AFF2: variants seen among roughly 807,000 people sequenced by gnomAD.
AFF2 encodes ALF transcription elongation factor 2.
AFF2 carries 14 observed loss-of-function variants against 76.9 expected under a neutral mutation model. The observed-to-expected ratio is 0.18, with a 90% CI of 0.12 to 0.28. The LOEUF (loss-of-function observed/expected upper bound fraction) is 0.28. AFF2 is among the 10% of genes least tolerant of loss of function. The pLI is 1.00. For synonymous variants in AFF2, 398 were observed against 366.7 expected, an observed-to-expected ratio of 1.09 and a Z score of -0.98; for missense variants, 868 against 1,001.1, an observed-to-expected ratio of 0.87 and a Z score of 1.79.
At position 148,598,047 on chromosome X, in the gene AFF2, A is replaced by G. The variant is rs368879194; in HGVS notation, c.48-53952A>G. Among the ~76,000 whole-genome samples, 17 of 112,274 alleles carry G rather than the reference A, an allele frequency of 1.5e-4. No homozygotes were observed. The East Asian group carries it at 4.5e-3, about 30-fold the overall frequency. On this transcript the variant is annotated intron_variant, in intron 1 of 20. Coordinates refer to ENST00000370460, the MANE Select transcript of AFF2 (RefSeq NM_002025.4). ...GATGTTTATACTTTGAAGAGTACGT[A>G]CATCTGGTAGTTTGGGTGTATGAAA... is the stretch of plus-strand genomic sequence containing the variant.
At chrX:148,635,125 C>A (rs1296526850) in intron 1 of AFF2, among the ~76,000 whole-genome samples, 2 of 111,403 alleles carry the variant, frequency 1.8e-5, no homozygotes, top group Non-Finnish European at 3.8e-5. Context: ...AGGGACTTTG[C>A]AGATGTGATT....
At chrX:148,854,712 A>G (rs1486124147) in intron 7 of AFF2, among the ~76,000 whole-genome samples, 1 of 111,302 alleles carries the variant, frequency 9.0e-6, no homozygotes, top group Non-Finnish European at 1.9e-5. Context: ...AACAAGCAAC[A>G]TAGGGTCTCT....
intron 3 of AFF2, among the ~76,000 whole-genome samples, chrX:148,759,755 C>T (rs1466406209): frequency 8.9e-6 from 1 of 111,786 alleles, no homozygotes; most frequent in Admixed American, 9.5e-5. Context: ...TCTGATTCTC[C>T]CTAGATCTAT....
At chrX:148,852,022 C>T (rs2070736494) in intron 7 of AFF2, among the ~76,000 whole-genome samples, 1 of 110,885 alleles carries the variant, frequency 9.0e-6, no homozygotes, top group African/African-American at 3.3e-5. Context: ...TAATAGCCTC[C>T]AGCTCCATCC....
At chrX:148,785,682 T>C (rs2069810087) in intron 3 of AFF2, among the ~76,000 whole-genome samples, 1 of 112,002 alleles carries the variant, frequency 8.9e-6, no homozygotes, top group African/African-American at 3.3e-5. Flanking sequence ...TCTGTAAGCC[T>C]AGCTCTGAGG....
intron 1 of AFF2, among the ~76,000 whole-genome samples, chrX:148,539,168 A>C (rs1329147482): frequency 8.9e-6 from 1 of 112,129 alleles, no homozygotes; most frequent in Middle Eastern, 4.2e-3. Flanking sequence ...GAGTTACAGG[A>C]AGACAAAGTA....
chrX:148,741,362 A>G (rs1292612926), intron 3 of AFF2, among the ~76,000 whole-genome samples: 2 of 109,917 alleles, frequency 1.8e-5, no homozygotes, highest in East Asian at 5.8e-4. Flanking sequence ...GGAGTTATGT[A>G]CCTAGGAGTA....
intron 16 of AFF2, among the ~76,000 whole-genome samples, chrX:148,974,044 G>A (rs991614708): frequency 2.7e-4 from 30 of 111,605 alleles, no homozygotes; most frequent in Admixed American, 6.7e-4. Context: ...ACTCAGAGTT[G>A]GTGTTTAAGG....
At chrX:148,525,919 G>A (rs2052652917) in intron 1 of AFF2, among the ~76,000 whole-genome samples, 1 of 111,524 alleles carries the variant, frequency 9.0e-6, no homozygotes, top group African/African-American at 3.3e-5. Flanking sequence ...CCTCCACAGG[G>A]TACCAGACTT....
chrX:148,807,301 AAGG>A (rs782290535), intron 3 of AFF2, among the ~76,000 whole-genome samples: 63 of 112,415 alleles, frequency 5.6e-4, no homozygotes, highest in Admixed American at 2.3e-3. Context: ...TAAGAAAAGT[AAGG>A]AGAACAACAG....
chrX:148,743,652 G>A lies in AFF2; in HGVS notation c.1042-66224G>A, dbSNP rs781897901. On this transcript the variant is annotated intron_variant, in intron 3 of 20. Coordinates refer to ENST00000370460, the MANE Select transcript of AFF2 (RefSeq NM_002025.4). ...TGCATTTTGCTGGAGGACCCTGAAT[G>A]CTTTATTTTCTCAACCATGTCTACT... 5.4e-5 allele frequency among the ~76,000 whole-genome samples: 6 copies of A among 111,216 alleles called. No homozygotes were observed. The South Asian group carries it at 2.3e-3, about 43-fold the overall frequency.
At chrX:148,556,115 G>A (rs1205365339) in intron 1 of AFF2, among the ~76,000 whole-genome samples, 6 of 112,095 alleles carry the variant, frequency 5.4e-5, no homozygotes, top group African/African-American at 1.6e-4. Flanking sequence ...TTTTAGCTCA[G>A]TTTCACATCT....
At chrX:148,518,274 T>C (rs1423988994) in intron 1 of AFF2, among the ~76,000 whole-genome samples, 1 of 111,793 alleles carries the variant, frequency 8.9e-6, no homozygotes, top group Non-Finnish European at 1.9e-5. Flanking sequence ...GCCAGCTGTT[T>C]TCTTCCAGAG....
chrX:148,591,492 T>A (rs1158086777), intron 1 of AFF2, among the ~76,000 whole-genome samples: 3 of 112,596 alleles, frequency 2.7e-5, no homozygotes, highest in Non-Finnish European at 3.7e-5. Context: ...CTGCTTTTGT[T>A]ACTAAGCATC....
At chrX:148,588,955 C>T (rs1403448623) in intron 1 of AFF2, among the ~76,000 whole-genome samples, 5 of 110,784 alleles carry the variant, frequency 4.5e-5, no homozygotes, top group African/African-American at 1.6e-4. Flanking sequence ...TGCCATGGAT[C>T]CATATGGCAT....
At chrX:148,852,197 G>A (rs2070738751) in intron 7 of AFF2, among the ~76,000 whole-genome samples, 1 of 110,929 alleles carries the variant, frequency 9.0e-6, no homozygotes. Context: ...ACGTGTGCGT[G>A]TGTCTTTATG....
intron 1 of AFF2, among the ~76,000 whole-genome samples, chrX:148,630,509 G>T (rs1385794563): frequency 8.9e-6 from 1 of 111,860 alleles, no homozygotes; most frequent in African/African-American, 3.3e-5. Flanking sequence ...TTCCAATGAT[G>T]TTTCCAAGGT....
At chrX:148,894,403 C>A (rs1479228406) in intron 8 of AFF2, among the ~76,000 whole-genome samples, 1 of 111,462 alleles carries the variant, frequency 9.0e-6, no homozygotes, top group Non-Finnish European at 1.9e-5. Context: ...TTACTTTTAT[C>A]TTTATTTATC....
In AFF2 at chrX:148,914,175, T is replaced by C. The variant is rs782598398; in HGVS notation, c.1397+9917T>C. Among the ~76,000 whole-genome samples the C allele has an allele frequency of 6.3e-5, 7 of 111,010 alleles. No individual in the cohort carries two copies. In the South Asian group the frequency reaches 2.7e-3, roughly 43 times the overall value. On this transcript the variant is annotated intron_variant, in intron 9 of 20. Coordinates refer to ENST00000370460, the MANE Select transcript of AFF2 (RefSeq NM_002025.4). Reference sequence around the variant, plus strand: ...CCCTATCTCAGCAGGAGTCCCCCAGTGAACAGTGGGGAGAGGCCTTTCAAG... The same window carrying C: ...CCCTATCTCAGCAGGAGTCCCCCAGCGAACAGTGGGGAGAGGCCTTTCAAG...
Sources: allele counts gnomAD v4.1 joint callset (sites outside exome capture counted in the v4.1 genomes callset), GRCh38; gene constraint gnomAD v4.1.1; transcripts MANE v1.5; gene names NCBI Gene and HGNC (gene_info 2026-07-23, HGNC 2026-07-21).